DHX34: variants seen among roughly 807,000 people sequenced by gnomAD.
DHX34 encodes probable ATP-dependent RNA helicase DHX34.
DHX34 carries 96 observed loss-of-function variants against 111.1 expected under a neutral mutation model. The observed-to-expected ratio is 0.86, with a 90% CI of 0.73 to 1.02. The LOEUF (loss-of-function observed/expected upper bound fraction) is 1.02, where lower values mean the gene tolerates loss of function less well. DHX34 is among the 50% of genes least tolerant of loss of function. The pLI is 0.00. For synonymous variants in DHX34, 688 were observed against 670.4 expected, an observed-to-expected ratio of 1.03 and a Z score of -0.41; for missense variants, 1,560 against 1,579.9, an observed-to-expected ratio of 0.99 and a Z score of 0.21.
intron 3 of DHX34, among the ~76,000 whole-genome samples, chr19:47,357,343 C>T (rs150975129): frequency 1.8e-3 from 279 of 152,308 alleles, no homozygotes; most frequent in African/African-American, 6.5e-3. Context: ...TTAGAAAAGT[C>T]AAACATTGCC....
intron 7 of DHX34, among the ~76,000 whole-genome samples, chr19:47,371,539 T>C (rs1221458747): frequency 1.3e-5 from 2 of 152,222 alleles, no homozygotes; most frequent in African/African-American, 4.8e-5. Context: ...GACAGGGGCC[T>C]GCACAGTACA....
intron 10 of DHX34, 65 bp downstream of exon 10, chr19:47,375,773 G>A: frequency 1.1e-5 from 17 of 1,558,484 alleles, no homozygotes; most frequent in Non-Finnish European, 1.5e-5. Context: ...TCCTGGGGGG[G>A]TCCCAGGGGA....
intron 9 of DHX34, 146 bp from the exon 10 acceptor site, chr19:47,375,320 C>A: frequency 7.1e-7 from 1 of 1,401,182 alleles, no homozygotes; most frequent in Non-Finnish European, 9.2e-7. Context: ...TCTGGAGCAG[C>A]GATCCATGCC....
intron 7 of DHX34, among the ~76,000 whole-genome samples, chr19:47,371,505 C>G (rs947112542): frequency 6.6e-6 from 1 of 152,198 alleles, no homozygotes; most frequent in African/African-American, 2.4e-5. Context: ...TCCCTGGTGA[C>G]AGAGCTGGGG....
Position 47,373,599 on chromosome 19 carries a change from G to A in DHX34, c.1963G>A (p.Val655Met), listed in dbSNP as rs919718479. 2 of 1,613,510 alleles carry A rather than the reference G, an allele frequency of 1.2e-6. No individual in the cohort carries two copies. Among genetic ancestry groups the A allele is most frequent in the Non-Finnish European group, 1.7e-6 (2 of 1,179,826 alleles). Reference sequence around the variant, plus strand: ...CCCTGGCGTCTGCTCCTCCACCCAGGTGAAATCTGAACGGAGCAGAAACTC... The same window carrying A: ...CCCTGGCGTCTGCTCCTCCACCCAGATGAAATCTGAACGGAGCAGAAACTC... The part of the protein sequence containing the change: ...LFNVFNAWVQ[V>M]KSERSRNSRK... Residue 655 changes from valine (V) to methionine (M), a missense_variant and splice_region_variant, in exon 9 of 17, where the codon GTG (valine) becomes ATG (methionine). By Grantham distance (21) the Val-to-Met change is conservative (BLOSUM62 1). Transcript: ENST00000328771.
In DHX34 at chr19:47,380,961, T is replaced by A. The variant is rs767388177; in HGVS notation, c.3128T>A (p.Val1043Asp). ...SPHPTKGGYA[V>D]TDFLTYNCLT... ...CACCCCACAAAGGGGGGCTACGCAG[T>A]CACTGACTTCCTCACCTACAACTGC... The change falls in exon 15 of 17, where the codon GTC (valine) becomes GAC (aspartate). Residue 1043 changes from valine to aspartate, a missense_variant. By Grantham distance (152) the Val-to-Asp change is radical. Coordinates refer to ENST00000328771, the MANE Select transcript of DHX34 (RefSeq NM_014681.6). 1.9e-6 allele frequency: 3 copies of A among 1,593,952 alleles called. No individual in the cohort carries two copies. Among genetic ancestry groups the A allele is most frequent in the Non-Finnish European group, 2.6e-6 (3 of 1,171,240 alleles).
In DHX34 at chr19:47,373,045, A is replaced by C. The variant is rs114213829; in HGVS notation, c.1962+122A>C. The C allele has an allele frequency of 5.3e-3, 6,874 of 1,298,524 alleles. 275 individuals carry two copies. In the African/African-American group the frequency reaches 0.09, roughly 17 times the overall value. 80.4% of individuals were successfully genotyped at this position (1,298,524 alleles called of 1,614,324 possible). Reference sequence around the variant, plus strand: ...CCCTGGGAGGACCACTGAGCCCCCCACAGACTGGGCCTGCCTGGGGAGGGC... The same window carrying C: ...CCCTGGGAGGACCACTGAGCCCCCCCCAGACTGGGCCTGCCTGGGGAGGGC... On this transcript the variant is annotated intron_variant, in intron 8 of 16. Coordinates refer to ENST00000328771, the MANE Select transcript of DHX34 (RefSeq NM_014681.6).
At chr19:47,381,024 G>A in intron 15 of DHX34, 32 bp downstream of exon 15, 1 of 1,542,924 alleles carries the variant, frequency 6.5e-7, no homozygotes, top group Non-Finnish European at 8.7e-7. Context: ...CTGAAGGTGG[G>A]ATTTCAGGAA....
intron 16 of DHX34, 97 bp downstream of exon 16, chr19:47,381,421 A>T: frequency 6.7e-7 from 1 of 1,493,612 alleles, no homozygotes; most frequent in Non-Finnish European, 9.0e-7. Context: ...TAGAGCTTCG[A>T]GGACTGACGA....
At chr19:47,366,838 T>G in intron 6 of DHX34, 143 bp from the exon 7 acceptor site, 1 of 1,353,316 alleles carries the variant, frequency 7.4e-7, no homozygotes. Flanking sequence ...CCTTTCAAAG[T>G]GCTGGGATTA....
chr19:47,380,839 C>T lies in DHX34; in HGVS notation c.3006C>T (p.Leu1002=). ...ASKIPYSLRR[L]TGLEVQNMYV... Reference sequence around the variant, plus strand: ...AGATTCCTTACAGCCTCCGGCGGCTCACAGGGCTAGAAGTCCAGAACATGT... The same window carrying T: ...AGATTCCTTACAGCCTCCGGCGGCTTACAGGGCTAGAAGTCCAGAACATGT... The change falls in exon 15 of 17, where the codon CTC becomes CTT. Residue 1002 remains leucine (L), a synonymous_variant. Coordinates refer to ENST00000328771, the MANE Select transcript of DHX34 (RefSeq NM_014681.6). 1.9e-6 allele frequency: 3 copies of T among 1,613,970 alleles called. No individual in the cohort carries two copies. The highest frequency in any genetic ancestry group is 1.7e-6 in the Non-Finnish European group (2 of 1,179,906).
rs531703760 is a variant in DHX34, at chr19:47,360,626, T to C, written c.1375+556T>C. 5.3e-5 allele frequency among the ~76,000 whole-genome samples: 8 copies of C among 152,268 alleles called. No homozygotes were observed. The South Asian group carries it at 1.2e-3, about 24-fold the overall frequency. On this transcript the variant is annotated intron_variant, in intron 5 of 16. Coordinates refer to ENST00000328771, the MANE Select transcript of DHX34 (RefSeq NM_014681.6). ...ACTCTGTCTAAGAGATATCCCCTCC[T>C]CCATCCGCTGTTGCTTGTCATATGA... is the stretch of plus-strand genomic sequence containing the variant.
chr19:47,355,312 C>T lies in DHX34; in HGVS notation c.979C>T (p.Pro327Ser), dbSNP rs1568394550. The change falls in exon 3 of 17, where the codon CCT becomes TCT. Residue 327 changes from proline (P) to serine (S), a missense_variant. By Grantham distance (74) the Pro-to-Ser change is moderately conservative (BLOSUM62 -1). Coordinates refer to ENST00000328771, the MANE Select transcript of DHX34 (RefSeq NM_014681.6). Reference sequence around the variant, plus strand: ...CTTCTCCAGCTATTTCAGCAATGCCCCTGTGGTACAGGTGCCTGGGAGGCT... The same window carrying T: ...CTTCTCCAGCTATTTCAGCAATGCCTCTGTGGTACAGGTGCCTGGGAGGCT... Reference protein sequence around the residue: ...SLFSSYFSNAPVVQVPGRLFP... With the variant: ...SLFSSYFSNASVVQVPGRLFP... 5 of 1,614,072 alleles carry T rather than the reference C, an allele frequency of 3.1e-6. No homozygotes were observed. The highest frequency in any genetic ancestry group is 4.2e-6 in the Non-Finnish European group (5 of 1,179,956).
At chr19:47,361,024 G>A (rs1437796602) in intron 5 of DHX34, among the ~76,000 whole-genome samples, 1 of 152,106 alleles carries the variant, frequency 6.6e-6, no homozygotes, top group African/African-American at 2.4e-5. Context: ...TTCCTGACTG[G>A]AATGTTCTCT....
intron 7 of DHX34, among the ~76,000 whole-genome samples, chr19:47,368,703 C>T (rs1969878095): frequency 6.7e-6 from 1 of 149,566 alleles, no homozygotes; most frequent in Non-Finnish European, 1.5e-5. Flanking sequence ...TATATACACA[C>T]ACATATATAT....
intron 1 of DHX34, among the ~76,000 whole-genome samples, 184 bp from the exon 2 acceptor site, chr19:47,352,570 G>A (rs1008720722): frequency 3.9e-5 from 6 of 152,128 alleles, no homozygotes; most frequent in Non-Finnish European, 8.8e-5. Context: ...AGCTGCTCGG[G>A]AGGCTGAGGC....
chr19:47,376,090 C>CAG lies in DHX34; in HGVS notation c.2476_2477dup (p.Asp826GlufsTer48). On this transcript the variant is annotated frameshift_variant, in exon 11 of 17. Coordinates refer to ENST00000328771, the MANE Select transcript of DHX34 (RefSeq NM_014681.6). LOFTEE classifies it high-confidence loss of function. Reference sequence around the variant, plus strand: ...GCCTTCAACAGCAGCCGAAAGGACTCAGACCAGGTGGGGCCTGTTCTGCCC... The same window carrying CAG: ...GCCTTCAACAGCAGCCGAAAGGACTCAGAGACCAGGTGGGGCCTGTTCTGCCC... 6.4e-7 allele frequency: 1 copy of CAG among 1,560,982 alleles called. No individual in the cohort carries two copies. Among genetic ancestry groups the CAG allele is most frequent in the Non-Finnish European group, 8.7e-7 (1 of 1,155,252 alleles).
intron 1 of DHX34, among the ~76,000 whole-genome samples, chr19:47,350,349 C>T (rs1355396203): frequency 2.0e-5 from 3 of 151,900 alleles, no homozygotes; most frequent in South Asian, 2.1e-4. Flanking sequence ...GGCTGCTGTA[C>T]GCCGTGATTG....
intron 9 of DHX34, among the ~76,000 whole-genome samples, chr19:47,374,661 C>T (rs116687555): frequency 1.3e-5 from 2 of 152,112 alleles, no homozygotes; most frequent in Admixed American, 6.6e-5. Context: ...GTCACCCAGC[C>T]GACACCTCCG....
Sources: gnomAD v4.1 joint callset for allele counts (sites outside exome capture counted in the v4.1 genomes callset) on GRCh38, gnomAD v4.1.1 for gene constraint, MANE v1.5 for transcripts, NCBI Gene and HGNC (gene_info 2026-07-23, HGNC 2026-07-21) for gene names.